Variants in ANKH observed in about 807,000 individuals in gnomAD.
ANKH encodes the protein mineralization regulator ANKH.
In ANKH, 15 loss-of-function variants were observed where a neutral mutation model predicts 49.0. The ratio of observed to expected loss-of-function variants is 0.31; its 90% CI spans 0.20 to 0.47. The LOEUF is 0.47. Among genes scored for constraint, ANKH ranks in the 20% least tolerant of loss-of-function variants. The probability of loss-of-function intolerance (pLI) is 1.00; values close to 1 mark genes in which losing one functional copy is unlikely to be tolerated. For synonymous variants in ANKH, 273 were observed against 260.0 expected, an observed-to-expected ratio of 1.05 and a Z score of -0.48; for missense variants, 429 against 652.0, an observed-to-expected ratio of 0.66 and a Z score of 3.72.
chr5:14,754,650 G>A (rs552778976), intron 4 of ANKH, among the ~76,000 whole-genome samples: 99 of 152,062 alleles, frequency 6.5e-4, no homozygotes, highest in Non-Finnish European at 1.2e-3. Context: ...AGTGATCCAC[G>A]GAGTAAACAC....
Sources: gnomAD v4.1 joint callset for allele counts (sites outside exome capture counted in the v4.1 genomes callset) on GRCh38, gnomAD v4.1.1 for gene constraint, MANE v1.5 for transcripts, NCBI Gene and HGNC (gene_info 2026-07-23, HGNC 2026-07-21) for gene names.